DPP10: variants seen among roughly 807,000 people sequenced by gnomAD.
DPP10 encodes the protein inactive dipeptidyl peptidase 10.
DPP10 carries 33 observed loss-of-function variants against 120.9 expected under a neutral mutation model. The ratio of observed to expected loss-of-function variants is 0.27; its 90% CI spans 0.21 to 0.37. The LOEUF is 0.37. Ranked by LOEUF, DPP10 falls within the 10% of genes least tolerant of loss-of-function variation. The pLI, the probability that DPP10 is intolerant of heterozygous loss-of-function variation, is 1.00. For missense variants in DPP10, 816 were observed against 942.8 expected (o/e 0.87, Z 1.76); for synonymous variants, 337 against 326.1 (o/e 1.03, Z -0.36).
intron 5 of DPP10, among the ~76,000 whole-genome samples, chr2:115,667,405 T>A (rs2089540965): frequency 6.6e-6 from 1 of 152,144 alleles, no homozygotes; most frequent in Non-Finnish European, 1.5e-5. Flanking sequence ...GGTATTTTCA[T>A]ACAATCTTTT....
intron 5 of DPP10, among the ~76,000 whole-genome samples, chr2:115,687,419 A>G (rs1022596364): frequency 2.0e-5 from 3 of 152,034 alleles, no homozygotes. Context: ...TTCTAAACTC[A>G]GAGTAAAGGG....
At chr2:115,649,674 G>A (rs1210584531) in intron 5 of DPP10, among the ~76,000 whole-genome samples, 1 of 152,008 alleles carries the variant, frequency 6.6e-6, no homozygotes, top group Non-Finnish European at 1.5e-5. Flanking sequence ...TTACCAAGTG[G>A]ATTTTAAGTA....
At chr2:115,618,387 G>A (rs1366860454) in intron 5 of DPP10, among the ~76,000 whole-genome samples, 1 of 152,172 alleles carries the variant, frequency 6.6e-6, no homozygotes, top group Non-Finnish European at 1.5e-5. Flanking sequence ...GTGAGAAGGT[G>A]ATTTTGGTCA....
chr2:115,655,208 A>G lies in DPP10; in HGVS notation c.442-34479A>G, dbSNP rs189605921. On this transcript the variant is annotated intron_variant, in intron 5 of 25. Coordinates refer to ENST00000410059, the MANE Select transcript of DPP10 (RefSeq NM_020868.6). ...AATTTTTATAATGTCCCAAATACGT[A>G]ACTTTTTAGGCTTTATTTAATTATA... 6.6e-5 allele frequency among the ~76,000 whole-genome samples: 10 copies of G among 151,786 alleles called. No homozygotes were observed. The East Asian group carries it at 1.9e-3, about 29-fold the overall frequency.
At chr2:115,282,350 A>G (rs1201979190) in intron 1 of DPP10, among the ~76,000 whole-genome samples, 3 of 152,054 alleles carry the variant, frequency 2.0e-5, no homozygotes, top group Admixed American at 6.6e-5. Flanking sequence ...TTGGGGTACA[A>G]TTTACATACA....
intron 1 of DPP10, among the ~76,000 whole-genome samples, chr2:115,147,419 G>A (rs968057944): frequency 1.3e-5 from 2 of 151,976 alleles, no homozygotes; most frequent in African/African-American, 4.8e-5. Context: ...ATGCTTCTAA[G>A]TCATTGTGGA....
At position 115,608,956 on chromosome 2, in the gene DPP10, T is replaced by C. The variant is rs181239493; in HGVS notation, c.442-80731T>C. On this transcript the variant is annotated intron_variant, in intron 5 of 25. Coordinates refer to ENST00000410059, the MANE Select transcript of DPP10 (RefSeq NM_020868.6). Reference sequence around the variant, plus strand: ...AAATATAAAACAAATAAAAGATCAATTCATAAAGATCAAGACAAATTCCAG... The same window carrying C: ...AAATATAAAACAAATAAAAGATCAACTCATAAAGATCAAGACAAATTCCAG... 1.0e-3 allele frequency among the ~76,000 whole-genome samples: 159 copies of C among 151,736 alleles called. 1 individual carries two copies. Among genetic ancestry groups the C allele is most frequent in the African/African-American group, 3.6e-3 (148 of 41,380 alleles).
intron 1 of DPP10, among the ~76,000 whole-genome samples, chr2:114,449,051 T>C (rs1161677709): frequency 6.6e-6 from 1 of 152,212 alleles, no homozygotes; most frequent in Admixed American, 6.5e-5. Context: ...TTTTGTTCTC[T>C]GATCTTGGTT....
At chr2:114,564,319 T>C (rs1270402813) in intron 1 of DPP10, among the ~76,000 whole-genome samples, 1 of 152,066 alleles carries the variant, frequency 6.6e-6, no homozygotes, top group African/African-American at 2.4e-5. Flanking sequence ...TTTTATATAA[T>C]TATCTAACCA....
At chr2:115,104,758 A>T (rs979507169) in intron 1 of DPP10, among the ~76,000 whole-genome samples, 1 of 152,204 alleles carries the variant, frequency 6.6e-6, no homozygotes, top group African/African-American at 2.4e-5. Context: ...CTATAATCCC[A>T]GTGCTCTGGG....
chr2:115,503,353 G>A (rs763427858), intron 4 of DPP10, among the ~76,000 whole-genome samples: 1 of 152,124 alleles, frequency 6.6e-6, no homozygotes, highest in African/African-American at 2.4e-5. Context: ...TTGTTGTGCT[G>A]TTGGGTATAT....
intron 1 of DPP10, among the ~76,000 whole-genome samples, chr2:114,772,871 G>A (rs751033504): frequency 6.6e-6 from 1 of 152,088 alleles, no homozygotes; most frequent in African/African-American, 2.4e-5. Flanking sequence ...CAGCATGCCA[G>A]CATTAGCTGG....
At chr2:114,465,064 C>G (rs900796538) in intron 1 of DPP10, among the ~76,000 whole-genome samples, 1 of 152,060 alleles carries the variant, frequency 6.6e-6, no homozygotes, top group African/African-American at 2.4e-5. Flanking sequence ...GGAACTATTG[C>G]GTTCTGTATA....
intron 1 of DPP10, among the ~76,000 whole-genome samples, chr2:114,580,712 A>G (rs1446613911): frequency 6.7e-6 from 1 of 148,786 alleles, no homozygotes; most frequent in African/African-American, 2.5e-5. Flanking sequence ...CATTAATCAT[A>G]TCACATCTGT....
At chr2:114,559,064 G>T (rs775388075) in intron 1 of DPP10, among the ~76,000 whole-genome samples, 1 of 152,152 alleles carries the variant, frequency 6.6e-6, no homozygotes, top group East Asian at 1.9e-4. Context: ...ACATCCCCAT[G>T]TCCCACATAC....
chr2:114,575,991 G>A (rs964340879), intron 1 of DPP10, among the ~76,000 whole-genome samples: 2 of 152,208 alleles, frequency 1.3e-5, no homozygotes, highest in Non-Finnish European at 2.9e-5. Context: ...AGATGAACTG[G>A]TGATTATGAT....
chr2:115,083,846 C>A (rs112818834), intron 1 of DPP10, among the ~76,000 whole-genome samples: 1 of 152,186 alleles, frequency 6.6e-6, no homozygotes, highest in South Asian at 2.1e-4. Context: ...TAGCTTTAAA[C>A]CTGAAATCTG....
At chr2:114,740,829 T>A (rs1206844438) in intron 1 of DPP10, among the ~76,000 whole-genome samples, 1 of 152,186 alleles carries the variant, frequency 6.6e-6, no homozygotes, top group African/African-American at 2.4e-5. Context: ...TCGTTTAAAT[T>A]TGGGGTCCAT....
chr2:115,644,311 C>A (rs200917920), intron 5 of DPP10, among the ~76,000 whole-genome samples: 9 of 152,132 alleles, frequency 5.9e-5, no homozygotes, highest in South Asian at 4.1e-4. Flanking sequence ...ATCCCTCCCC[C>A]CTCCGCCCAC....
Sources: gnomAD v4.1 joint callset for allele counts (sites outside exome capture counted in the v4.1 genomes callset) on GRCh38, gnomAD v4.1.1 for gene constraint, MANE v1.5 for transcripts, NCBI Gene and HGNC (gene_info 2026-07-23, HGNC 2026-07-21) for gene names.